The following VPS13B variants were observed in gnomAD, a reference collection of about 807,000 sequenced individuals.
The protein encoded by VPS13B is vacuolar protein sorting 13 homolog B.
VPS13B carries 285 observed loss-of-function variants against 426.4 expected under a neutral mutation model. The ratio of observed to expected loss-of-function variants is 0.67; its 90% CI spans 0.61 to 0.74. VPS13B has a LOEUF of 0.74. Ranked by LOEUF, VPS13B falls within the 30% of genes least tolerant of loss-of-function variation. The pLI is 0.00. For missense variants in VPS13B, 4,537 were observed against 4,782.6 expected (o/e 0.95, Z 1.51); for synonymous variants, 1,676 against 1,676.4 (o/e 1.00, Z 0.01).
At chr8:99,128,566 G>A (rs1204785922) in intron 8 of VPS13B, among the ~76,000 whole-genome samples, 1 of 151,702 alleles carries the variant, frequency 6.6e-6, no homozygotes, top group Non-Finnish European at 1.5e-5. Context: ...AAAAATTTAT[G>A]GACTCATTTT....
At chr8:99,766,661 C>A in intron 39 of VPS13B, 113 bp from the exon 40 acceptor site, 2 of 866,416 alleles carry the variant, frequency 2.3e-6, no homozygotes, top group Non-Finnish European at 1.8e-6. Context: ...TAACCTTATT[C>A]TCCTCTAAAG....
chr8:99,835,126 C>T (rs1815314648), intron 52 of VPS13B, 71 bp from the exon 53 acceptor site: 2 of 1,598,228 alleles, frequency 1.3e-6, no homozygotes, highest in African/African-American at 1.3e-5. Context: ...TCTAAATAAA[C>T]ATGTTCCAGA....
chr8:99,534,635 A>G (rs1823100866), intron 30 of VPS13B, among the ~76,000 whole-genome samples: 1 of 152,134 alleles, frequency 6.6e-6, no homozygotes, highest in Non-Finnish European at 1.5e-5. Flanking sequence ...TTTAAAGACA[A>G]GTGAGAGAAA....
At chr8:99,224,612 CTT>C (rs1815912115) in intron 17 of VPS13B, among the ~76,000 whole-genome samples, 1 of 152,016 alleles carries the variant, frequency 6.6e-6, no homozygotes, top group African/African-American at 2.4e-5. Flanking sequence ...TTTTTACTCA[CTT>C]TTAAATTAAA....
intron 12 of VPS13B, among the ~76,000 whole-genome samples, chr8:99,139,477 G>A (rs764709872): frequency 2.2e-5 from 3 of 138,132 alleles, no homozygotes; most frequent in Non-Finnish European, 3.0e-5. Context: ...TTCCTCTGTC[G>A]CCCAGGCTGG....
At chr8:99,521,879 A>C (rs983271845) in intron 30 of VPS13B, among the ~76,000 whole-genome samples, 1 of 152,140 alleles carries the variant, frequency 6.6e-6, no homozygotes, top group Non-Finnish European at 1.5e-5. Flanking sequence ...TTTATTTCTC[A>C]TATTTCTCTG....
chr8:99,291,494 T>C (rs1043474816), intron 19 of VPS13B, among the ~76,000 whole-genome samples: 1 of 152,166 alleles, frequency 6.6e-6, no homozygotes, highest in Non-Finnish European at 1.5e-5. Context: ...CATTGAATTC[T>C]ATTTACTTTA....
intron 17 of VPS13B, chr8:99,240,884 A>G (rs1359036419): frequency 6.6e-6 from 1 of 152,666 alleles, no homozygotes; most frequent in Non-Finnish European, 1.5e-5. Context: ...GACTAATCCA[A>G]CTGCTGAGGT....
At chr8:99,151,031 C>A (rs1424290129) in intron 14 of VPS13B, among the ~76,000 whole-genome samples, 2 of 152,252 alleles carry the variant, frequency 1.3e-5, no homozygotes, top group African/African-American at 4.8e-5. Context: ...TTCTCCACAT[C>A]CCTACCAACA....
intron 2 of VPS13B, among the ~76,000 whole-genome samples, chr8:99,022,389 T>G (rs1841942348): frequency 6.6e-6 from 1 of 152,172 alleles, no homozygotes; most frequent in Admixed American, 6.5e-5. Flanking sequence ...TTGGCTTACT[T>G]AGAAGTATAT....
chr8:99,566,646 T>A (rs564736481), intron 31 of VPS13B, among the ~76,000 whole-genome samples: 29 of 152,316 alleles, frequency 1.9e-4, no homozygotes, highest in African/African-American at 5.5e-4. Context: ...TTCCACCATG[T>A]TGGCCAGGCT....
intron 34 of VPS13B, among the ~76,000 whole-genome samples, chr8:99,654,909 A>G (rs1318714883): frequency 6.6e-6 from 1 of 151,754 alleles, no homozygotes; most frequent in Non-Finnish European, 1.5e-5. Context: ...GAATTGGGAC[A>G]CAGGAAGGGA....
intron 30 of VPS13B, among the ~76,000 whole-genome samples, chr8:99,543,649 A>G (rs1184386729): frequency 8.0e-5 from 12 of 150,076 alleles, no homozygotes; most frequent in Non-Finnish European, 1.3e-4. Flanking sequence ...AAAAGTGGGC[A>G]AAGGACATGA....
intron 21 of VPS13B, among the ~76,000 whole-genome samples, chr8:99,420,800 T>C (rs1043516607): frequency 2.0e-5 from 3 of 152,120 alleles, no homozygotes; most frequent in Admixed American, 1.3e-4. Context: ...AAGGACCAAA[T>C]CTTTTTGGGA....
intron 24 of VPS13B, among the ~76,000 whole-genome samples, chr8:99,468,932 C>T (rs1819253591): frequency 6.6e-6 from 1 of 151,946 alleles, no homozygotes; most frequent in Non-Finnish European, 1.5e-5. Flanking sequence ...TTTTTTGAAA[C>T]CATCCTCATC....
chr8:99,103,640 C>T (rs1286451375), intron 5 of VPS13B, among the ~76,000 whole-genome samples: 5 of 151,914 alleles, frequency 3.3e-5, no homozygotes, highest in African/African-American at 1.2e-4. Flanking sequence ...GCTGGGACTA[C>T]AGGCACCTGC....
At chr8:99,554,392 G>T (rs934868020) in intron 30 of VPS13B, among the ~76,000 whole-genome samples, 2 of 152,048 alleles carry the variant, frequency 1.3e-5, no homozygotes, top group Non-Finnish European at 2.9e-5. Context: ...ATATTTGCTG[G>T]CTATCAGAAT....
intron 2 of VPS13B, among the ~76,000 whole-genome samples, chr8:99,016,842 G>A (rs1355098899): frequency 6.6e-6 from 1 of 151,818 alleles, no homozygotes; most frequent in African/African-American, 2.4e-5. Flanking sequence ...CTCCTGTCTC[G>A]GCCTCCCAAA....
At position 99,704,558 on chromosome 8, in the gene VPS13B, C is replaced by T. The variant is rs143475176; in HGVS notation, c.6454+4626C>T. Among the ~76,000 whole-genome samples the T allele has an allele frequency of 4.6e-5, 7 of 152,246 alleles. No homozygotes were observed. In the East Asian group the frequency reaches 1.2e-3, roughly 25 times the overall value. On this transcript the variant is annotated intron_variant, in intron 36 of 61. Coordinates refer to ENST00000357162, the MANE Select transcript of VPS13B (RefSeq NM_152564.5). ...CCCCAAAGACTTTTGTTACTTTTAG[C>T]AAGAAATAGCATCTCTGTCTAATGC... is the stretch of plus-strand genomic sequence containing the variant.
Sources: allele counts gnomAD v4.1 joint callset (sites outside exome capture counted in the v4.1 genomes callset), GRCh38; gene constraint gnomAD v4.1.1; transcripts MANE v1.5; gene names NCBI Gene and HGNC (gene_info 2026-07-23, HGNC 2026-07-21).